C12orf42: variants seen among roughly 807,000 people sequenced by gnomAD.
C12orf42 encodes the protein uncharacterized protein C12orf42.
Under a neutral mutation model 21.6 loss-of-function variants are expected in C12orf42, and 25 were observed. That is an observed-to-expected ratio of 1.16 (90% CI 0.84 to 1.62). The LOEUF (loss-of-function observed/expected upper bound fraction) is 1.62, where lower values mean the gene tolerates loss of function less well. Ranked by LOEUF, C12orf42 falls within the 40% of genes most tolerant of loss-of-function variation. The pLI is 0.00. For missense variants in C12orf42, 483 were observed against 459.3 expected (o/e 1.05, Z -0.47); for synonymous variants, 174 against 175.0 (o/e 0.99, Z 0.05).
the C12orf42 span, among the ~76,000 whole-genome samples, chr12:103,175,134 G>A: frequency 1.3e-5 from 2 of 152,126 alleles, no homozygotes; most frequent in African/African-American, 4.8e-5. Context: ...ACCCTAATAG[G>A]TAATCAAAGG....
the C12orf42 span, among the ~76,000 whole-genome samples, chr12:103,514,111 G>A: frequency 6.6e-6 from 1 of 152,188 alleles, no homozygotes; most frequent in Non-Finnish European, 1.5e-5. Context: ...CATGGCTGCA[G>A]GAAGGAGAAG....
the C12orf42 span, among the ~76,000 whole-genome samples, chr12:103,128,838 A>G: frequency 6.6e-6 from 1 of 152,224 alleles, no homozygotes; most frequent in Non-Finnish European, 1.5e-5. Flanking sequence ...ATATCTTGAA[A>G]CTATTTCTAC....
At chr12:103,420,192 AT>A (rs2049755889) in intron 2 of C12orf42, among the ~76,000 whole-genome samples, 1 of 152,164 alleles carries the variant, frequency 6.6e-6, no homozygotes, top group Non-Finnish European at 1.5e-5. Flanking sequence ...ATATTTTCTA[AT>A]TGCTACAGCT....
chr12:103,178,856 A>G, the C12orf42 span, among the ~76,000 whole-genome samples: 1 of 152,210 alleles, frequency 6.6e-6, no homozygotes, highest in Non-Finnish European at 1.5e-5. Context: ...AGTGGTCAGT[A>G]ACTTCTTCCA....
chr12:103,115,463 A>G, the C12orf42 span, among the ~76,000 whole-genome samples: 1 of 152,252 alleles, frequency 6.6e-6, no homozygotes, highest in Non-Finnish European at 1.5e-5. Flanking sequence ...TTGTGTAGAC[A>G]CTAAAGTAAA....
intron 3 of C12orf42, among the ~76,000 whole-genome samples, chr12:103,395,236 T>C (rs1385663752): frequency 6.6e-6 from 1 of 152,142 alleles, no homozygotes; most frequent in Non-Finnish European, 1.5e-5. Flanking sequence ...CATTACAAAG[T>C]AAAAAGAATG....
At chr12:103,469,836 T>C (rs1028973907) in intron 2 of C12orf42, among the ~76,000 whole-genome samples, 1 of 152,212 alleles carries the variant, frequency 6.6e-6, no homozygotes, top group African/African-American at 2.4e-5. Flanking sequence ...TTCACCAACA[T>C]TGAGTTTTTA....
At chr12:103,303,358 T>C (rs1049180644) in intron 5 of C12orf42, among the ~76,000 whole-genome samples, 6 of 151,972 alleles carry the variant, frequency 3.9e-5, no homozygotes, top group African/African-American at 1.4e-4. Flanking sequence ...TATAAATACA[T>C]ATATAAATCA....
At chr12:103,213,356 TATC>T in the C12orf42 span, among the ~76,000 whole-genome samples, 2 of 152,206 alleles carry the variant, frequency 1.3e-5, no homozygotes, top group Non-Finnish European at 2.9e-5. Flanking sequence ...TACTCAAGAT[TATC>T]ATTGCTTTCA....
At chr12:103,162,969 A>G in the C12orf42 span, 1 of 152,216 alleles carries the variant, frequency 6.6e-6, no homozygotes, top group African/African-American at 2.4e-5. Context: ...CCCTTTCACC[A>G]GGTAGAAACA....
chr12:103,462,365 C>T (rs1952796003), intron 2 of C12orf42, among the ~76,000 whole-genome samples: 1 of 151,780 alleles, frequency 6.6e-6, no homozygotes, highest in African/African-American at 2.4e-5. Context: ...CCCACCTTGG[C>T]CTCCTAAAGT....
At chr12:103,217,820 C>G in the C12orf42 span, among the ~76,000 whole-genome samples, 1 of 152,110 alleles carries the variant, frequency 6.6e-6, no homozygotes, top group Non-Finnish European at 1.5e-5. Context: ...CCCCTTACTC[C>G]CATGCTGCAT....
the C12orf42 span, among the ~76,000 whole-genome samples, chr12:103,224,348 G>A: frequency 1.3e-5 from 2 of 152,160 alleles, no homozygotes; most frequent in African/African-American, 4.8e-5. Context: ...GAAATGAGAG[G>A]TTCTAAGAGG....
chr12:103,501,128 C>A, the C12orf42 span, among the ~76,000 whole-genome samples: 3 of 152,114 alleles, frequency 2.0e-5, no homozygotes, highest in African/African-American at 7.2e-5. Flanking sequence ...GATTGTGAGA[C>A]GGCAATGCTT....
chr12:103,354,804 C>T (rs2043383614), intron 4 of C12orf42, among the ~76,000 whole-genome samples: 1 of 151,978 alleles, frequency 6.6e-6, no homozygotes, highest in African/African-American at 2.4e-5. Context: ...GCAATCTTCT[C>T]AGGTTGGTCT....
chr12:103,278,958 T>C (rs2136297964), intron 4 of C12orf42, among the ~76,000 whole-genome samples: 1 of 152,340 alleles, frequency 6.6e-6, no homozygotes, highest in Admixed American at 6.5e-5. Flanking sequence ...ATACCTTATG[T>C]AAGTGGGAGG....
At chr12:103,172,493 A>G in the C12orf42 span, among the ~76,000 whole-genome samples, 1 of 152,054 alleles carries the variant, frequency 6.6e-6, no homozygotes, top group Non-Finnish European at 1.5e-5. Context: ...ATTCCTCACA[A>G]TGCTATGTGG....
the C12orf42 span, among the ~76,000 whole-genome samples, chr12:103,140,600 G>C: frequency 6.6e-6 from 1 of 152,136 alleles, no homozygotes; most frequent in African/African-American, 2.4e-5. Flanking sequence ...AAACAGGGAG[G>C]GGGAGAGCAA....
intron 10 of C12orf42, among the ~76,000 whole-genome samples, chr12:103,259,279 T>C (rs868549162): frequency 2.6e-5 from 4 of 152,308 alleles, no homozygotes; most frequent in Admixed American, 1.3e-4. Flanking sequence ...TTTGTTGTCT[T>C]ACCTTTGTTT....
Sources: allele counts gnomAD v4.1 joint callset (sites outside exome capture counted in the v4.1 genomes callset), GRCh38; gene constraint gnomAD v4.1.1; transcripts MANE v1.5; gene names NCBI Gene and HGNC (gene_info 2026-07-23, HGNC 2026-07-21).